Variants in IL1RAPL1 observed in about 807,000 individuals in gnomAD.
IL1RAPL1 encodes interleukin-1 receptor accessory protein-like 1.
IL1RAPL1 carries 3 observed loss-of-function variants against 48.4 expected under a neutral mutation model. The observed-to-expected ratio is 0.06, with a 90% CI of 0.03 to 0.16. The LOEUF (loss-of-function observed/expected upper bound fraction) is 0.16, where lower values mean the gene tolerates loss of function less well. Among genes scored for constraint, IL1RAPL1 ranks in the 10% least tolerant of loss-of-function variants. The probability of loss-of-function intolerance (pLI) is 1.00; values close to 1 mark genes in which losing one functional copy is unlikely to be tolerated. For synonymous variants in IL1RAPL1, 185 were observed against 187.7 expected (o/e 0.99, Z 0.12); for missense variants, 349 against 530.6 (o/e 0.66, Z 3.36).
chrX:29,846,020 GT>G (rs899327545), intron 6 of IL1RAPL1, among the ~76,000 whole-genome samples: 2 of 111,245 alleles, frequency 1.8e-5, no homozygotes, highest in Admixed American at 1.9e-4. Flanking sequence ...CCTCCCACCA[GT>G]CCCCACTTCC....
At chrX:29,767,391 T>C (rs970299945) in intron 6 of IL1RAPL1, among the ~76,000 whole-genome samples, 1 of 112,230 alleles carries the variant, frequency 8.9e-6, no homozygotes, top group Admixed American at 9.5e-5. Flanking sequence ...TTCTTAATAA[T>C]ACCGTCATTG....
chrX:29,338,103 G>T (rs1430466718), intron 3 of IL1RAPL1, among the ~76,000 whole-genome samples: 1 of 111,481 alleles, frequency 9.0e-6, no homozygotes, highest in Non-Finnish European at 1.9e-5. Flanking sequence ...TTTTATTGTG[G>T]CTTCATCAAT....
At chrX:29,003,558 G>A (rs1045567802) in intron 2 of IL1RAPL1, among the ~76,000 whole-genome samples, 2 of 112,060 alleles carry the variant, frequency 1.8e-5, no homozygotes, top group Non-Finnish European at 3.8e-5. Flanking sequence ...AGACATAAAG[G>A]GGAAATGCTT....
At chrX:28,961,091 G>T (rs868573685) in intron 2 of IL1RAPL1, among the ~76,000 whole-genome samples, 1 of 101,516 alleles carries the variant, frequency 9.9e-6, no homozygotes, top group African/African-American at 3.6e-5. Flanking sequence ...TGCGAGTAAT[G>T]TAACAAACAG....
chrX:28,964,206 C>T (rs1924862140), intron 2 of IL1RAPL1, among the ~76,000 whole-genome samples: 1 of 111,633 alleles, frequency 9.0e-6, no homozygotes, highest in South Asian at 3.7e-4. Context: ...TTCCATCTGG[C>T]ACCACCATTT....
chrX:29,076,644 A>G (rs1927676919), intron 2 of IL1RAPL1, among the ~76,000 whole-genome samples: 1 of 110,860 alleles, frequency 9.0e-6, no homozygotes, highest in African/African-American at 3.3e-5. Flanking sequence ...TCATTCATTC[A>G]TTCATTCAAA....
intron 1 of IL1RAPL1, among the ~76,000 whole-genome samples, chrX:28,696,483 A>G (rs928881439): frequency 9.0e-6 from 1 of 111,489 alleles, no homozygotes; most frequent in African/African-American, 3.2e-5. Context: ...TGGAAATTAT[A>G]GTTAATAATT....
At chrX:29,322,193 TTTTTTCTTTC>T (rs1340216877) in intron 3 of IL1RAPL1, among the ~76,000 whole-genome samples, 1 of 111,202 alleles carries the variant, frequency 9.0e-6, no homozygotes, top group Non-Finnish European at 1.9e-5. Context: ...TTCTTTCTCT[TTTTTTCTTTC>T]TTTTTCTTTC....
intron 1 of IL1RAPL1, among the ~76,000 whole-genome samples, chrX:28,769,233 C>A (rs1936285354): frequency 9.1e-6 from 1 of 110,051 alleles, no homozygotes. Flanking sequence ...AAAGTACTTT[C>A]CAGCTATACA....
At chrX:28,686,805 G>A (rs746348128) in intron 1 of IL1RAPL1, among the ~76,000 whole-genome samples, 1 of 111,607 alleles carries the variant, frequency 9.0e-6, no homozygotes, top group African/African-American at 3.3e-5. Context: ...TCTGCCTTCT[G>A]CATCACCTGA....
chrX:29,830,104 T>A (rs1300268324), intron 6 of IL1RAPL1, among the ~76,000 whole-genome samples: 3 of 112,253 alleles, frequency 2.7e-5, no homozygotes, highest in Admixed American at 9.5e-5. Flanking sequence ...TTGAATACAT[T>A]TTGCGGATAA....
At chrX:29,867,213 T>G (rs1161185952) in intron 6 of IL1RAPL1, among the ~76,000 whole-genome samples, 1 of 112,072 alleles carries the variant, frequency 8.9e-6, no homozygotes, top group Admixed American at 9.5e-5. Context: ...AATAGACAAC[T>G]AAACTTTTGC....
intron 6 of IL1RAPL1, among the ~76,000 whole-genome samples, chrX:29,901,238 G>C (rs758004403): frequency 5.2e-4 from 58 of 112,148 alleles, no homozygotes; most frequent in African/African-American, 1.5e-3. Context: ...AGCTGCAAGA[G>C]AAGCTAAGAA....
chrX:29,152,336 T>C (rs894711399), intron 2 of IL1RAPL1, among the ~76,000 whole-genome samples: 3 of 111,783 alleles, frequency 2.7e-5, no homozygotes, highest in African/African-American at 9.8e-5. Context: ...TCAACATCTT[T>C]GCTGGAGAAA....
At chrX:29,787,503 G>A in intron 6 of IL1RAPL1, among the ~76,000 whole-genome samples, 1 of 111,902 alleles carries the variant, frequency 8.9e-6, no homozygotes, top group Non-Finnish European at 1.9e-5. Flanking sequence ...ATACCTAGTA[G>A]AGGAAGCCAG....
chrX:29,177,455 T>C (rs1345664640), intron 2 of IL1RAPL1, among the ~76,000 whole-genome samples: 1 of 112,253 alleles, frequency 8.9e-6, no homozygotes, highest in Non-Finnish European at 1.9e-5. Flanking sequence ...GCTTCTGTTC[T>C]TTTCTAGGGC....
intron 8 of IL1RAPL1, among the ~76,000 whole-genome samples, chrX:29,933,748 T>A (rs1932987069): frequency 9.1e-6 from 1 of 110,294 alleles, no homozygotes; most frequent in Non-Finnish European, 1.9e-5. Context: ...AATAATACAT[T>A]TATTGATAAG....
At chrX:29,743,124 G>A (rs1421809719) in intron 6 of IL1RAPL1, among the ~76,000 whole-genome samples, 1 of 107,749 alleles carries the variant, frequency 9.3e-6, no homozygotes, top group African/African-American at 3.3e-5. Flanking sequence ...ATGATATAAT[G>A]TGTTTATATA....
intron 6 of IL1RAPL1, among the ~76,000 whole-genome samples, chrX:29,878,621 T>C (rs1242636745): frequency 1.8e-5 from 2 of 112,125 alleles, no homozygotes; most frequent in African/African-American, 3.2e-5. Flanking sequence ...TCTGAGGTTT[T>C]GTATTATCTA....
Sources: allele counts gnomAD v4.1 joint callset (sites outside exome capture counted in the v4.1 genomes callset), GRCh38; gene constraint gnomAD v4.1.1; transcripts MANE v1.5; gene names NCBI Gene and HGNC (gene_info 2026-07-23, HGNC 2026-07-21).